Variants in NTM observed in about 807,000 individuals in gnomAD.
NTM encodes the protein neurotrimin.
In NTM, 13 loss-of-function variants were observed where a neutral mutation model predicts 42.1. The ratio of observed to expected loss-of-function variants is 0.31; its 90% CI spans 0.20 to 0.49. The LOEUF (loss-of-function observed/expected upper bound fraction) is 0.49, where lower values mean the gene tolerates loss of function less well. Ranked by LOEUF, NTM falls within the 20% of genes least tolerant of loss-of-function variation. The pLI is 0.99. For missense variants in NTM, 373 were observed against 452.8 expected (o/e 0.82, Z 1.60); for synonymous variants, 187 against 179.2 (o/e 1.04, Z -0.35).
chr11:131,495,945 AG>A (rs1417506286), intron 1 of NTM, among the ~76,000 whole-genome samples: 1 of 152,234 alleles, frequency 6.6e-6, no homozygotes, highest in Non-Finnish European at 1.5e-5. Flanking sequence ...AAGGATGTTG[AG>A]GGTTTGAAAA....
intron 2 of NTM, among the ~76,000 whole-genome samples, chr11:131,979,940 T>C (rs903059550): frequency 6.6e-6 from 1 of 152,192 alleles, no homozygotes; most frequent in Non-Finnish European, 1.5e-5. Flanking sequence ...TTAATTAATA[T>C]AGATAGGCAG....
At chr11:132,044,066 GTA>G (rs1277095738) in intron 2 of NTM, among the ~76,000 whole-genome samples, 3 of 81,112 alleles carry the variant, frequency 3.7e-5, no homozygotes, top group Non-Finnish European at 9.7e-5. Flanking sequence ...GTATGTGTGT[GTA>G]TGTGTATGTG....
At chr11:131,493,052 A>AC (rs1954962211) in intron 1 of NTM, among the ~76,000 whole-genome samples, 1 of 149,752 alleles carries the variant, frequency 6.7e-6, no homozygotes, top group Non-Finnish European at 1.5e-5. Context: ...CCTCGTCACT[A>AC]CCAAAAAAAA....
intron 3 of NTM, among the ~76,000 whole-genome samples, chr11:132,205,664 A>G (rs1481529832): frequency 2.0e-5 from 3 of 152,094 alleles, no homozygotes. Context: ...CACCACATAC[A>G]TGCCTGTGGG....
chr11:132,087,958 C>A (rs1326320743), intron 2 of NTM, among the ~76,000 whole-genome samples: 2 of 152,152 alleles, frequency 1.3e-5, no homozygotes, highest in Admixed American at 6.5e-5. Flanking sequence ...CCTTGGGTCC[C>A]CGGCATTGGC....
intron 1 of NTM, among the ~76,000 whole-genome samples, chr11:131,388,269 C>T (rs556645696): frequency 6.6e-6 from 1 of 152,110 alleles, no homozygotes; most frequent in South Asian, 2.1e-4. Flanking sequence ...TGTACATTCA[C>T]TTATCTATGT....
chr11:131,525,031 G>A (rs1009109570), intron 1 of NTM, among the ~76,000 whole-genome samples: 9 of 152,052 alleles, frequency 5.9e-5, no homozygotes, highest in African/African-American at 2.2e-4. Context: ...TGTATCCTAA[G>A]TAATTTCTGA....
At chr11:132,309,169 A>G (rs2095199510) in intron 5 of NTM, among the ~76,000 whole-genome samples, 1 of 152,204 alleles carries the variant, frequency 6.6e-6, no homozygotes, top group Non-Finnish European at 1.5e-5. Context: ...TTTCTGCATT[A>G]AATAGAATAG....
intron 1 of NTM, among the ~76,000 whole-genome samples, chr11:131,476,965 A>G (rs1004566838): frequency 1.8e-4 from 27 of 152,090 alleles, no homozygotes; most frequent in African/African-American, 6.0e-4. Flanking sequence ...AAAGTGAGGA[A>G]CTTAGGGGGC....
chr11:132,032,547 T>TG (rs2076056424), intron 2 of NTM, among the ~76,000 whole-genome samples: 2 of 152,100 alleles, frequency 1.3e-5, no homozygotes, highest in Non-Finnish European at 2.9e-5. Flanking sequence ...CTCTGGTGAT[T>TG]GGGGAGGTAA....
At position 131,699,909 on chromosome 11, in the gene NTM, G is replaced by GGTGTGT. The variant is rs10577927; in HGVS notation, c.83-211606_83-211601dup. Among the ~76,000 whole-genome samples, 762 of 130,534 alleles carry GGTGTGT rather than the reference G, an allele frequency of 5.8e-3. 8 individuals are homozygous for GGTGTGT. Among genetic ancestry groups the GGTGTGT allele is most frequent in the East Asian group, 0.013 (55 of 4,300 alleles). The allele number at this position is 130,534 out of a possible 152,430, so 85.6% of individuals were successfully genotyped here. ...AACCATATCACTAGCCAAAGCAGCA[G>GGTGTGT]GTGTGTGTGTGTGTGTGTGTGTGTG... On this transcript the variant is annotated intron_variant, in intron 1 of 8. Coordinates refer to ENST00000683400, the MANE Select transcript of NTM (RefSeq NM_001352005.2).
intron 1 of NTM, among the ~76,000 whole-genome samples, chr11:131,597,801 C>G (rs1415198324): frequency 6.6e-6 from 1 of 152,216 alleles, no homozygotes; most frequent in African/African-American, 2.4e-5. Context: ...CCAAGCAGCT[C>G]CTTGTTATCT....
At chr11:131,795,212 T>G in intron 1 of NTM, 3 of 357,566 alleles carry the variant, frequency 8.4e-6, no homozygotes, top group Non-Finnish European at 1.2e-5. Context: ...CACGGCAGCC[T>G]AATCCCAGCT....
At chr11:132,257,432 G>T (rs2092568320) in intron 4 of NTM, among the ~76,000 whole-genome samples, 1 of 152,290 alleles carries the variant, frequency 6.6e-6, no homozygotes, top group Middle Eastern at 3.4e-3. Flanking sequence ...GCCACCAGAG[G>T]GTGAGAACTT....
intron 4 of NTM, among the ~76,000 whole-genome samples, chr11:132,249,798 A>C (rs2091716642): frequency 6.6e-6 from 1 of 152,220 alleles, no homozygotes; most frequent in Non-Finnish European, 1.5e-5. Flanking sequence ...TTAAAGGACC[A>C]TTTTAATCAA....
intron 1 of NTM, among the ~76,000 whole-genome samples, chr11:131,411,449 GA>G (rs1211154291): frequency 6.6e-6 from 1 of 152,062 alleles, no homozygotes; most frequent in African/African-American, 2.4e-5. Context: ...AGAAAGAGGA[GA>G]AAAAGGCTTC....
At chr11:131,431,997 A>T (rs111243478) in intron 1 of NTM, among the ~76,000 whole-genome samples, 20 of 152,328 alleles carry the variant, frequency 1.3e-4, no homozygotes, top group African/African-American at 4.8e-4. Context: ...ATGTTTGATG[A>T]TTCCTATTTG....
At chr11:132,001,889 T>C (rs776983431) in intron 2 of NTM, among the ~76,000 whole-genome samples, 3 of 151,888 alleles carry the variant, frequency 2.0e-5, no homozygotes, top group African/African-American at 7.3e-5. Flanking sequence ...CAATGATGGA[T>C]GTAGAGGAGA....
chr11:131,823,002 G>A (rs943750226), intron 1 of NTM, among the ~76,000 whole-genome samples: 1 of 151,346 alleles, frequency 6.6e-6, no homozygotes, highest in Non-Finnish European at 1.5e-5. Flanking sequence ...CTTCCTTTCT[G>A]CCTTCTGTAG....
Sources: gnomAD v4.1 joint callset for allele counts (sites outside exome capture counted in the v4.1 genomes callset) on GRCh38, gnomAD v4.1.1 for gene constraint, MANE v1.5 for transcripts, NCBI Gene and HGNC (gene_info 2026-07-23, HGNC 2026-07-21) for gene names.